ADD3: variants seen among roughly 807,000 people sequenced by gnomAD.
ADD3 encodes adducin 3, also known as gamma-adducin.
Under a neutral mutation model 80.2 loss-of-function variants are expected in ADD3, and 25 were observed. The observed-to-expected ratio is 0.31, with a 90% CI of 0.23 to 0.44. The LOEUF (loss-of-function observed/expected upper bound fraction) is 0.44. Among genes scored for constraint, ADD3 ranks in the 20% least tolerant of loss-of-function variants. The probability of loss-of-function intolerance (pLI) is 1.00; values close to 1 mark genes in which losing one functional copy is unlikely to be tolerated. For synonymous variants in ADD3, 284 were observed against 289.6 expected, an observed-to-expected ratio of 0.98 and a Z score of 0.20; for missense variants, 829 against 847.5, an observed-to-expected ratio of 0.98 and a Z score of 0.27.
At chr10:110,063,960 G>A (rs1412457639) in intron 1 of ADD3, among the ~76,000 whole-genome samples, 1 of 151,200 alleles carries the variant, frequency 6.6e-6, no homozygotes. Flanking sequence ...ATAGAGTAGT[G>A]TTGCCTGTTT....
At chr10:110,125,726 CA>C (rs1435149855) in intron 10 of ADD3, 99 bp from the exon 11 acceptor site, 5 of 810,162 alleles carry the variant, frequency 6.2e-6, no homozygotes, top group Non-Finnish European at 5.5e-6. Flanking sequence ...ATTATTTAAA[CA>C]TTGGCAATGC....
At chr10:110,023,267 C>A (rs529103979) in intron 1 of ADD3, among the ~76,000 whole-genome samples, 1 of 152,298 alleles carries the variant, frequency 6.6e-6, no homozygotes, top group South Asian at 2.1e-4. Flanking sequence ...CTCCCTCACT[C>A]CTTCCTCCAT....
At chr10:110,108,721 T>C (rs1288260041) in intron 2 of ADD3, among the ~76,000 whole-genome samples, 7 of 152,196 alleles carry the variant, frequency 4.6e-5, no homozygotes, top group African/African-American at 1.7e-4. Context: ...GGTGATTATC[T>C]GAACAATATT....
chr10:110,031,976 C>T (rs1459838599), intron 1 of ADD3, among the ~76,000 whole-genome samples: 1 of 151,724 alleles, frequency 6.6e-6, no homozygotes, highest in South Asian at 2.1e-4. Context: ...ATCTTATTGG[C>T]AGCCAGTTGA....
At chr10:110,050,604 C>G (rs1857411754) in intron 1 of ADD3, among the ~76,000 whole-genome samples, 1 of 151,410 alleles carries the variant, frequency 6.6e-6, no homozygotes, top group African/African-American at 2.4e-5. Flanking sequence ...CCTCTGCCTC[C>G]TGGGTTCAAG....
intron 1 of ADD3, among the ~76,000 whole-genome samples, chr10:110,014,084 G>T (rs1284928573): frequency 6.6e-6 from 1 of 152,168 alleles, no homozygotes; most frequent in African/African-American, 2.4e-5. Context: ...AGAAAGTTGG[G>T]TTTACTCATC....
At chr10:110,064,154 T>G (rs1193256843) in intron 1 of ADD3, among the ~76,000 whole-genome samples, 5 of 152,194 alleles carry the variant, frequency 3.3e-5, no homozygotes, top group Non-Finnish European at 7.3e-5. Context: ...TAATGGTCAT[T>G]CAGATTGTTT....
chr10:110,081,555 ACT>A (rs1040159475), intron 1 of ADD3, among the ~76,000 whole-genome samples: 4 of 152,218 alleles, frequency 2.6e-5, no homozygotes, highest in South Asian at 2.1e-4. Context: ...TTGGAGGCAC[ACT>A]CTTCTGTATG....
chr10:110,097,467 A>G (rs1208579467), intron 1 of ADD3, among the ~76,000 whole-genome samples: 1 of 152,080 alleles, frequency 6.6e-6, no homozygotes, highest in Non-Finnish European at 1.5e-5. Flanking sequence ...TTTTGAAATT[A>G]TTTCAGACTT....
At chr10:110,008,882 A>G (rs1261161148) in intron 1 of ADD3, among the ~76,000 whole-genome samples, 1 of 152,048 alleles carries the variant, frequency 6.6e-6, no homozygotes, top group Non-Finnish European at 1.5e-5. Context: ...CGCCCCTACA[A>G]ACGTATACAT....
intron 1 of ADD3, among the ~76,000 whole-genome samples, chr10:110,014,855 G>C (rs1443544211): frequency 6.6e-6 from 1 of 151,760 alleles, no homozygotes; most frequent in Non-Finnish European, 1.5e-5. Context: ...TGTCAGAGTT[G>C]AGTTCACTTT....
At chr10:110,015,415 G>A (rs997582544) in intron 1 of ADD3, among the ~76,000 whole-genome samples, 3 of 142,536 alleles carry the variant, frequency 2.1e-5, no homozygotes, top group Admixed American at 7.1e-5. Flanking sequence ...TCGCTCTGTC[G>A]CCCAGGCTGG....
intron 10 of ADD3, among the ~76,000 whole-genome samples, chr10:110,124,863 G>A (rs1325759825): frequency 6.6e-6 from 1 of 152,142 alleles, no homozygotes; most frequent in South Asian, 2.1e-4. Flanking sequence ...CCATGGCCCA[G>A]GATGGCTTTG....
At chr10:110,037,247 C>G (rs759813191) in intron 1 of ADD3, among the ~76,000 whole-genome samples, 2 of 152,188 alleles carry the variant, frequency 1.3e-5, no homozygotes, top group Non-Finnish European at 2.9e-5. Context: ...TCCTACTGTT[C>G]TTTAATACTG....
intron 1 of ADD3, among the ~76,000 whole-genome samples, chr10:110,028,740 G>T (rs1382318298): frequency 6.6e-6 from 1 of 152,128 alleles, no homozygotes; most frequent in Non-Finnish European, 1.5e-5. Context: ...TAAATAGAAA[G>T]AAATGAGTTT....
upstream of ADD3, among the ~76,000 whole-genome samples, chr10:110,001,223 T>G (rs1851477993): frequency 6.6e-6 from 1 of 151,976 alleles, no homozygotes; most frequent in Non-Finnish European, 1.5e-5. Context: ...AAGACCAGCC[T>G]GGGCAACATG....
chr10:110,057,872 G>A (rs1858399995), intron 1 of ADD3, among the ~76,000 whole-genome samples: 1 of 152,192 alleles, frequency 6.6e-6, no homozygotes, highest in African/African-American at 2.4e-5. Context: ...ATAAGTTAGT[G>A]ATGAAGTATG....
intron 1 of ADD3, among the ~76,000 whole-genome samples, chr10:110,008,598 T>A (rs1851933069): frequency 6.6e-6 from 1 of 152,120 alleles, no homozygotes; most frequent in South Asian, 2.1e-4. Context: ...GCTTCGCGCG[T>A]CTGCTGGTTT....
intron 1 of ADD3, among the ~76,000 whole-genome samples, chr10:110,046,964 A>C (rs749295876): frequency 4.6e-5 from 7 of 152,146 alleles, no homozygotes; most frequent in Admixed American, 1.3e-4. Context: ...GTGATTCTGA[A>C]GTGATGTCTA....
Sources: allele counts gnomAD v4.1 joint callset (sites outside exome capture counted in the v4.1 genomes callset), GRCh38; gene constraint gnomAD v4.1.1; transcripts MANE v1.5; gene names NCBI Gene and HGNC (gene_info 2026-07-23, HGNC 2026-07-21).